The following POLA2 variants were observed in gnomAD, a reference collection of about 807,000 sequenced individuals.
The protein encoded by POLA2 is DNA polymerase alpha 2, accessory subunit, also known as DNA polymerase alpha subunit B.
In POLA2, 47 loss-of-function variants were observed where a neutral mutation model predicts 82.8. The ratio of observed to expected loss-of-function variants is 0.57; its 90% CI spans 0.45 to 0.72. The LOEUF (loss-of-function observed/expected upper bound fraction) is 0.72, where lower values mean the gene tolerates loss of function less well. Ranked by LOEUF, POLA2 falls within the 30% of genes least tolerant of loss-of-function variation. The pLI, the probability that POLA2 is intolerant of heterozygous loss-of-function variation, is 0.00. For synonymous variants in POLA2, 287 were observed against 286.8 expected (o/e 1.00, Z -0.01); for missense variants, 634 against 728.1 (o/e 0.87, Z 1.49).
At position 65,294,479 on chromosome 11, in the gene POLA2, C is replaced by T. The variant is rs937473730; in HGVS notation, c.1354-67C>T. 4.3e-6 allele frequency: 6 copies of T among 1,397,452 alleles called. No individual in the cohort carries two copies. The Admixed American group carries it at 8.7e-5, about 20-fold the overall frequency. 86.6% of individuals were successfully genotyped at this position (1,397,452 alleles called of 1,614,324 possible). A position where few individuals can be genotyped will look rare whatever the true frequency, so the allele number is the denominator to read the frequency against. On this transcript the variant is annotated intron_variant, in intron 14 of 17. Transcript: ENST00000265465. Reference sequence around the variant, plus strand: ...GTCTCCCCAGCCCTCAGACAACCCCCACTTTCATGGGAAGATGTTTCTAGC... The same window carrying T: ...GTCTCCCCAGCCCTCAGACAACCCCTACTTTCATGGGAAGATGTTTCTAGC...
At chr11:65,281,288 C>A in intron 8 of POLA2, 141 bp downstream of exon 8, 1 of 894,238 alleles carries the variant, frequency 1.1e-6, no homozygotes, top group Non-Finnish European at 1.7e-6. Context: ...AGAGCAGACA[C>A]CACTGTTGGG....
At chr11:65,268,438 GTCTCCTGGGTTCATGCCAT>G (rs1284432935) in intron 3 of POLA2, among the ~76,000 whole-genome samples, 4 of 150,734 alleles carry the variant, frequency 2.7e-5, no homozygotes, top group Non-Finnish European at 5.9e-5. Flanking sequence ...TGCAAGCTCC[GTCTCCTGGGTTCATGCCAT>G]TCTCCTGCCT....
chr11:65,275,849 G>T, intron 4 of POLA2, 43 bp from the exon 5 acceptor site: 2 of 1,096,292 alleles, frequency 1.8e-6, no homozygotes, highest in Non-Finnish European at 1.4e-6. Context: ...ATTAGTATTG[G>T]GTCTAGTAGG....
chr11:65,304,614 A>G (rs1030141337), intron 8 of POLA2, among the ~76,000 whole-genome samples: 25 of 152,152 alleles, frequency 1.6e-4, no homozygotes, highest in Non-Finnish European at 2.5e-4. Flanking sequence ...CCCAACATCA[A>G]TGGGGGTCCA....
At chr11:65,275,822 A>C in intron 4 of POLA2, 70 bp from the exon 5 acceptor site, 1 of 790,388 alleles carries the variant, frequency 1.3e-6, no homozygotes, top group Non-Finnish European at 2.1e-6. Flanking sequence ...CTTTTCTTCC[A>C]AGGTACTATA....
chr11:65,294,102 T>G, intron 13 of POLA2, 51 bp from the exon 14 acceptor site: 1 of 1,497,982 alleles, frequency 6.7e-7, no homozygotes. Context: ...CTGTTCTAAC[T>G]CAACTGCACT....
chr11:65,276,987 C>T (rs936512552), intron 5 of POLA2, among the ~76,000 whole-genome samples: 1 of 151,670 alleles, frequency 6.6e-6, no homozygotes, highest in Non-Finnish European at 1.5e-5. Context: ...GACGAGGTTT[C>T]GCCTGTTGGC....
In POLA2 at chr11:65,261,977, A is replaced by C; in HGVS notation, c.-316A>C. 6 of 429,466 alleles carry C rather than the reference A, an allele frequency of 1.4e-5. No homozygotes were observed. In the South Asian group the frequency reaches 1.5e-4, roughly 11 times the overall value. The allele number at this position is 429,466 out of a possible 1,614,324, so 26.6% of individuals were successfully genotyped here. On this transcript the variant is annotated 5_prime_UTR_variant, in exon 1 of 18. Transcript: ENST00000265465. Reference sequence around the variant, plus strand: ...CCGGCCACTCAGTTCTGCCACCGTCACTGAGAAGCTCAGCGGTAGCTTTTG... The same window carrying C: ...CCGGCCACTCAGTTCTGCCACCGTCCCTGAGAAGCTCAGCGGTAGCTTTTG...
chr11:65,277,159 A>AT (rs1169827223), intron 5 of POLA2, among the ~76,000 whole-genome samples: 28 of 135,700 alleles, frequency 2.1e-4, no homozygotes, highest in South Asian at 4.8e-4. Context: ...TGGTCATTGG[A>AT]TTTTTTTTTT....
At chr11:65,268,871 CAT>C in intron 4 of POLA2, 142 bp downstream of exon 4, 2 of 547,472 alleles carry the variant, frequency 3.7e-6, no homozygotes, top group Non-Finnish European at 6.4e-6. Context: ...CCTTTCTGAT[CAT>C]ATGTCTAAAT....
intron 7 of POLA2, chr11:65,280,703 T>G: frequency 2.5e-6 from 1 of 399,034 alleles, no homozygotes; most frequent in East Asian, 5.1e-5. Context: ...GAGGACAGGG[T>G]GGGGTAGGCA....
At chr11:65,287,878 T>G (rs1343252300) in intron 11 of POLA2, 38 bp downstream of exon 11, 3 of 1,595,770 alleles carry the variant, frequency 1.9e-6, no homozygotes, top group Non-Finnish European at 2.6e-6. Context: ...GAGTCAGCCT[T>G]GGAAAATGGC....
At chr11:65,291,585 C>T (rs1255931949) in intron 13 of POLA2, among the ~76,000 whole-genome samples, 1 of 152,184 alleles carries the variant, frequency 6.6e-6, no homozygotes, top group East Asian at 1.9e-4. Flanking sequence ...GATAGACCCC[C>T]AAAACACAGG....
chr11:65,287,638 T>A (rs958688003), intron 10 of POLA2, 78 bp from the exon 11 acceptor site: 82 of 1,320,600 alleles, frequency 6.2e-5, no homozygotes, highest in Non-Finnish European at 8.0e-5. Context: ...CCTGTGGCAT[T>A]TCCCATCATT....
In POLA2 at chr11:65,275,812, C is replaced by G. The variant is rs55839224; in HGVS notation, c.355-80C>G. On this transcript the variant is annotated intron_variant, in intron 4 of 17. Coordinates refer to ENST00000265465, the MANE Select transcript of POLA2 (RefSeq NM_002689.4). ...GTGCCTTCGTTTGGACATGTTCTCC[C>G]TTTTCTTCCAAGGTACTATACACTT... 9.5e-4 allele frequency: 686 copies of G among 720,328 alleles called. 3 individuals are homozygous for G. The East Asian group carries it at 0.015, about 15-fold the overall frequency. 44.6% of individuals were successfully genotyped at this position (720,328 alleles called of 1,614,324 possible). A position where few individuals can be genotyped will look rare whatever the true frequency, so the allele number is the denominator to read the frequency against.
intron 1 of POLA2, among the ~76,000 whole-genome samples, chr11:65,263,973 G>T (rs1949430333): frequency 1.3e-5 from 2 of 152,230 alleles, no homozygotes; most frequent in Non-Finnish European, 2.9e-5. Context: ...TCATCTCATG[G>T]CAATGGCTTT....
In POLA2 at chr11:65,269,546, A is replaced by G. The variant is rs997355229; in HGVS notation, c.354+817A>G. ...TACTGCACTAGACATTGAGTAAACA[A>G]TGGTGAATGAAACAGACATGGATGG... On this transcript the variant is annotated intron_variant, in intron 4 of 17. Transcript: ENST00000265465. Among the ~76,000 whole-genome samples the G allele has an allele frequency of 2.0e-5, 3 of 152,116 alleles. No individual in the cohort carries two copies. The East Asian group carries it at 5.8e-4, about 29-fold the overall frequency.
Position 65,287,769 on chromosome 11 carries a change from A to G in POLA2, c.1060A>G (p.Ser354Gly), listed in dbSNP as rs768210987. The change falls in exon 11 of 18, where the codon AGC becomes GGC. Residue 354 changes from serine to glycine, a missense_variant. Physicochemically the swap from Ser to Gly is moderately conservative, Grantham distance 56 (BLOSUM62 0). Transcript: ENST00000265465. The stretch of plus-strand genomic sequence containing the variant: ...CTGTGGACCATACACCACATCTGAC[A>G]GCATCACGTATGACCCCCTGCTTGA... ...VACGPYTTSD[S>G]ITYDPLLDLI... 7 of 1,613,774 alleles carry G rather than the reference A, an allele frequency of 4.3e-6. No homozygotes were observed. Among genetic ancestry groups the G allele is most frequent in the East Asian group, 4.5e-5 (2 of 44,886 alleles).
chr11:65,267,565 A>G lies in POLA2; in HGVS notation c.293A>G (p.Glu98Gly), dbSNP rs954368008. Residue 98 changes from glutamate (E) to glycine (G), a missense_variant, in exon 3 of 18, where the codon GAG (glutamate) becomes GGG (glycine). By Grantham distance (98) the Glu-to-Gly change is moderately conservative (BLOSUM62 -2). Coordinates refer to ENST00000265465, the MANE Select transcript of POLA2 (RefSeq NM_002689.4). ...AGARDIVSIQ[E>G]LIEVEEEEEI... Reference sequence around the variant, plus strand: ...GCTAGAGACATTGTTTCCATTCAAGAGCTGTATCCTTTTCTGCTGAAGGTC... The same window carrying G: ...GCTAGAGACATTGTTTCCATTCAAGGGCTGTATCCTTTTCTGCTGAAGGTC... 6.3e-7 allele frequency: 1 copy of G among 1,595,192 alleles called. No individual in the cohort carries two copies. The highest frequency in any genetic ancestry group is 8.6e-7 in the Non-Finnish European group (1 of 1,165,456).
Sources: allele counts gnomAD v4.1 joint callset (sites outside exome capture counted in the v4.1 genomes callset), GRCh38; gene constraint gnomAD v4.1.1; transcripts MANE v1.5; gene names NCBI Gene and HGNC (gene_info 2026-07-23, HGNC 2026-07-21).